DYSF: variants seen among roughly 807,000 people sequenced by gnomAD.
The protein encoded by DYSF is dystrophy-associated fer-1-like 1.
A neutral mutation model predicts 274.9 loss-of-function variants in DYSF; 212 were observed. That is an observed-to-expected ratio of 0.77 (90% CI 0.69 to 0.86). DYSF has a LOEUF of 0.86. Ranked by LOEUF, DYSF falls within the 40% of genes least tolerant of loss-of-function variation. The pLI is 0.00. For synonymous variants in DYSF, 1,091 were observed against 1,078.7 expected (o/e 1.01, Z -0.22); for missense variants, 2,666 against 2,783.2 (o/e 0.96, Z 0.95).
chr2:71,612,355 C>T (rs999473261), intron 38 of DYSF, among the ~76,000 whole-genome samples: 1 of 152,174 alleles, frequency 6.6e-6, no homozygotes, highest in Non-Finnish European at 1.5e-5. Flanking sequence ...CTCGCCCGCT[C>T]CCCAGCCAGT....
At chr2:71,484,397 T>C (rs13018726) in intron 3 of DYSF, among the ~76,000 whole-genome samples, 24,070 of 152,048 alleles carry the variant, frequency 0.16, 2,380 homozygotes, top group African/African-American at 0.26. Context: ...GGGTAGATAA[T>C]AGTTGTATAT....
chr2:71,598,607 G>A lies in DYSF; in HGVS notation c.3618G>A (p.Thr1206=), dbSNP rs913686558. ...IVSFLHQSQK[T]VVVKNTLNPT... ...CCTTCCTGCACCAGAGCCAGAAGAC[G>A]GTGGTGGTGAAGAACACCCTTAACC... The change falls in exon 33 of 56, where the codon ACG becomes ACA. Residue 1206 remains threonine (T), a synonymous_variant. Coordinates refer to ENST00000410020, the MANE Select transcript of DYSF (RefSeq NM_001130987.2). 4.3e-6 allele frequency: 7 copies of A among 1,614,180 alleles called. No homozygotes were observed. In the East Asian group the frequency reaches 6.7e-5, roughly 15 times the overall value.
intron 32 of DYSF, among the ~76,000 whole-genome samples, chr2:71,596,371 G>C (rs1303515522): frequency 6.6e-6 from 1 of 152,172 alleles, no homozygotes; most frequent in Non-Finnish European, 1.5e-5. Context: ...GGGCCCGCAT[G>C]CTTATAAAAA....
At position 71,511,763 on chromosome 2, in the gene DYSF, G is replaced by C. The variant is rs753973741; in HGVS notation, c.346-44G>C. The C allele has an allele frequency of 2.3e-5, 28 of 1,215,272 alleles. No individual in the cohort carries two copies. In the African/African-American group the frequency reaches 3.5e-4, roughly 15 times the overall value. The allele number at this position is 1,215,272 out of a possible 1,614,324, so 75.3% of individuals were successfully genotyped here. ...GGAAGATACTGGAGGGCAGTGGTCC[G>C]AGGCCAGCGCACCAACCTGTCCCCC... On this transcript the variant is annotated intron_variant, in intron 4 of 55. Transcript: ENST00000410020.
In DYSF at chr2:71,579,126, G is replaced by T. The variant is rs1200959934; in HGVS notation, c.3402+4755G>T. Among the ~76,000 whole-genome samples, 2 of 151,942 alleles carry T rather than the reference G, an allele frequency of 1.3e-5. 1 individual carries two copies. Among genetic ancestry groups the T allele is most frequent in the South Asian group, 4.2e-4 (2 of 4,818 alleles). On this transcript the variant is annotated intron_variant, in intron 30 of 55. Transcript: ENST00000410020. ...CCCTGTGGCCACAGCAGCCACCACC[G>T]CCGCCTCCCACCCAGTCACCCCCTC...
chr2:71,611,717 C>A (rs2152875601), intron 38 of DYSF, 91 bp downstream of exon 38: 1 of 1,486,514 alleles, frequency 6.7e-7, no homozygotes, highest in Non-Finnish European at 9.1e-7. Context: ...TGCTCCAATT[C>A]CCTGCGGGAT....
intron 3 of DYSF, among the ~76,000 whole-genome samples, chr2:71,487,019 G>T (rs1345999061): frequency 6.6e-6 from 1 of 152,194 alleles, no homozygotes; most frequent in Non-Finnish European, 1.5e-5. Context: ...CTGAGCCTTG[G>T]CTGAGGTTCT....
At chr2:71,525,712 AGTC>A (rs1174107594) in intron 12 of DYSF, among the ~76,000 whole-genome samples, 2 of 45,260 alleles carry the variant, frequency 4.4e-5, no homozygotes, top group Non-Finnish European at 1.3e-4. Flanking sequence ...CCTGCATGAT[AGTC>A]AGCTCCATGG....
At chr2:71,670,396 C>G (rs2095098666) in intron 51 of DYSF, among the ~76,000 whole-genome samples, 1 of 152,252 alleles carries the variant, frequency 6.6e-6, no homozygotes, top group South Asian at 2.1e-4. Flanking sequence ...GAAGGCCAGT[C>G]TGGCCTATAG....
intron 26 of DYSF, among the ~76,000 whole-genome samples, chr2:71,569,212 C>T (rs564707580): frequency 6.6e-6 from 1 of 152,328 alleles, no homozygotes; most frequent in Admixed American, 6.5e-5. Flanking sequence ...GTGTGGTGCC[C>T]ACTGGGTGTG....
intron 52 of DYSF, among the ~76,000 whole-genome samples, chr2:71,678,619 A>C (rs1471774751): frequency 6.6e-6 from 1 of 152,192 alleles, no homozygotes; most frequent in Non-Finnish European, 1.5e-5. Flanking sequence ...ATGGTTGTAC[A>C]GCATTGTGGC....
At position 71,481,862 on chromosome 2, in the gene DYSF, T is replaced by G; in HGVS notation, c.148-17T>G. On this transcript the variant is annotated splice_polypyrimidine_tract_variant and intron_variant, in intron 2 of 55. Transcript: ENST00000410020. ...AGAGGGCCATAGGTTAAGATGCCTT[T>G]TCTCTTTTTCTTCCAGGGATTTGAA... 1 of 1,611,414 alleles carries G rather than the reference T, an allele frequency of 6.2e-7. No homozygotes were observed.
chr2:71,454,082 T>C lies in DYSF; in HGVS notation c.84T>C (p.Phe28=), dbSNP rs1261407949. 7 of 1,613,854 alleles carry C rather than the reference T, an allele frequency of 4.3e-6. No homozygotes were observed. The highest frequency in any genetic ancestry group is 5.9e-6 in the Non-Finnish European group (7 of 1,179,918). Residue 28 remains phenylalanine (F), a synonymous_variant, in exon 1 of 55, where the codon TTT becomes TTC. Transcript: ENST00000258104. ...GCGATGCCTACTGCTCCGCGGTGTTTGCAGGTAGGAGGGGCCGACCACCCT... is the reference window on the plus strand; with the variant it reads ...GCGATGCCTACTGCTCCGCGGTGTTCGCAGGTAGGAGGGGCCGACCACCCT...
Position 71,568,221 on chromosome 2 carries a change from G to A in DYSF, c.2747G>A (p.Gly916Asp), listed in dbSNP as rs749094860. 3.1e-6 allele frequency: 5 copies of A among 1,614,242 alleles called. No homozygotes were observed. Among genetic ancestry groups the A allele is most frequent in the Admixed American group, 1.7e-5 (1 of 60,028 alleles). ...CTTGTTGGGAACTGGGGCACAACGG[G>A]CCTCACCTACCCCAAGTTTTCTGAC... Reference protein sequence around the residue: ...LALVGNWGTTGLTYPKFSDVT... With the variant: ...LALVGNWGTTDLTYPKFSDVT... Residue 916 changes from glycine (G) to aspartate (D), a missense_variant, in exon 26 of 56, where the codon GGC becomes GAC. Coordinates refer to ENST00000410020, the MANE Select transcript of DYSF (RefSeq NM_001130987.2).
chr2:71,604,213 G>A (rs1355633371), intron 36 of DYSF, among the ~76,000 whole-genome samples: 2 of 152,140 alleles, frequency 1.3e-5, no homozygotes, highest in African/African-American at 4.8e-5. Context: ...AGTCCCAGGG[G>A]ATAGCCCTGG....
Position 71,669,178 on chromosome 2 carries a change from G to A in DYSF, c.5613G>A (p.Gly1871=). 1 of 1,610,410 alleles carries A rather than the reference G, an allele frequency of 6.2e-7. No individual in the cohort carries two copies. The highest frequency in any genetic ancestry group is 8.5e-7 in the Non-Finnish European group (1 of 1,178,484). Residue 1871 remains glycine (G), a synonymous_variant, in exon 50 of 56, where the codon GGG becomes GGA. Coordinates refer to ENST00000410020, the MANE Select transcript of DYSF (RefSeq NM_001130987.2). The part of the protein sequence containing the change: ...DVILDDLSLT[G]EKMSDIYVKG... ...TCCTGGATGACCTGAGCCTCACGGG[G>A]GAGAAGATGAGCGACATTTATGTGA...
At chr2:71,549,412 G>C in intron 17 of DYSF, 1 of 1,609,142 alleles carries the variant, frequency 6.2e-7, no homozygotes, top group Non-Finnish European at 8.5e-7. Flanking sequence ...GTCACCTTGG[G>C]GACAACCAGG....
At chr2:71,667,663 CCA>C (rs1342308934) in intron 48 of DYSF, 148 bp downstream of exon 48, 18 of 1,288,974 alleles carry the variant, frequency 1.4e-5, no homozygotes, top group Non-Finnish European at 1.8e-5. Context: ...CTGAGTGCGG[CCA>C]TGGTTGGCCT....
intron 1 of DYSF, among the ~76,000 whole-genome samples, chr2:71,456,717 A>G (rs1446416292): frequency 6.6e-6 from 1 of 152,164 alleles, no homozygotes; most frequent in East Asian, 1.9e-4. Flanking sequence ...AAAGATAAGG[A>G]TATTGGCCCA....
Sources: allele counts gnomAD v4.1 joint callset (sites outside exome capture counted in the v4.1 genomes callset), GRCh38; gene constraint gnomAD v4.1.1; transcripts MANE v1.5; gene names NCBI Gene and HGNC (gene_info 2026-07-23, HGNC 2026-07-21).